Variants in ACSS1 observed in about 807,000 individuals in gnomAD.
The protein encoded by ACSS1 is acetyl-coenzyme A synthetase 2-like, mitochondrial.
ACSS1 carries 42 observed loss-of-function variants against 75.3 expected under a neutral mutation model. The observed-to-expected ratio is 0.56, with a 90% CI of 0.44 to 0.72. The LOEUF (loss-of-function observed/expected upper bound fraction) is 0.72. Ranked by LOEUF, ACSS1 falls within the 30% of genes least tolerant of loss-of-function variation. The pLI, the probability that ACSS1 is intolerant of heterozygous loss-of-function variation, is 0.00. For missense variants in ACSS1, 782 were observed against 935.7 expected, an observed-to-expected ratio of 0.84 and a Z score of 2.14; for synonymous variants, 380 against 376.8, an observed-to-expected ratio of 1.01 and a Z score of -0.10.
chr20:25,019,439 A>G (rs1238824924), intron 7 of ACSS1, among the ~76,000 whole-genome samples: 4 of 152,292 alleles, frequency 2.6e-5, no homozygotes, highest in South Asian at 2.1e-4. Flanking sequence ...GCAAAAGTGC[A>G]GGATGGTATC....
At chr20:25,040,403 G>A (rs926356012) in intron 2 of ACSS1, among the ~76,000 whole-genome samples, 3 of 152,224 alleles carry the variant, frequency 2.0e-5, no homozygotes, top group African/African-American at 7.2e-5. Context: ...AGTAAGCCCT[G>A]GAGGGGAAGT....
intron 1 of ACSS1, among the ~76,000 whole-genome samples, chr20:25,053,060 CTTTTTT>C (rs1171891974): frequency 8.5e-6 from 1 of 118,134 alleles, no homozygotes; most frequent in Non-Finnish European, 1.7e-5. Context: ...TCACAATGAG[CTTTTTT>C]TTTTTTTTTT....
At chr20:25,007,977 G>A (rs2088339252) in intron 13 of ACSS1, 36 bp from the exon 14 acceptor site, 1 of 1,607,264 alleles carries the variant, frequency 6.2e-7, no homozygotes, top group Non-Finnish European at 8.5e-7. Context: ...GAGCGTGGAT[G>A]GTGCCCAGCC....
intron 5 of ACSS1, 144 bp from the exon 6 acceptor site, chr20:25,021,680 A>G: frequency 2.1e-6 from 2 of 974,146 alleles, no homozygotes; most frequent in South Asian, 1.7e-5. Context: ...CAGCAGCAGG[A>G]CAGGTGGGCA....
chr20:25,023,727 T>C (rs1020099837), intron 3 of ACSS1, 86 bp from the exon 4 acceptor site: 20 of 1,321,704 alleles, frequency 1.5e-5, no homozygotes, highest in Non-Finnish European at 1.8e-5. Context: ...CATCCAGGCC[T>C]AGGAGTGTGA....
Position 25,052,952 on chromosome 20 carries a change from C to T in ACSS1, c.335-4771G>A, listed in dbSNP as rs77193041. ...ACACACACGTACGAATTTTCAAGTA[C>T]TCTTGTTGCTTATTTAAATACATCC... On this transcript the variant is annotated intron_variant, in intron 1 of 13. Coordinates refer to ENST00000323482, the MANE Select transcript of ACSS1 (RefSeq NM_032501.4). Among the ~76,000 whole-genome samples the T allele has an allele frequency of 1.2e-4, 18 of 152,130 alleles. No individual in the cohort carries two copies. In the East Asian group the frequency reaches 2.9e-3, roughly 24 times the overall value.
intron 3 of ACSS1, among the ~76,000 whole-genome samples, chr20:25,024,364 G>A (rs958553801): frequency 6.6e-6 from 1 of 152,236 alleles, no homozygotes; most frequent in African/African-American, 2.4e-5. Context: ...GGAAAAGGAG[G>A]TGTCCTCCAC....
intron 2 of ACSS1, chr20:25,032,804 G>T (rs1326962291): frequency 2.1e-5 from 14 of 671,802 alleles, no homozygotes; most frequent in African/African-American, 1.7e-4. Flanking sequence ...GGAGGCCTTT[G>T]TTTCTTCCCA....
intron 9 of ACSS1, 98 bp downstream of exon 9, chr20:25,013,863 A>G: frequency 7.2e-7 from 1 of 1,380,874 alleles, no homozygotes; most frequent in East Asian, 2.4e-5. Context: ...GCCTCCTGCC[A>G]GGTACAGACC....
intron 7 of ACSS1, among the ~76,000 whole-genome samples, chr20:25,017,000 T>C (rs1263108658): frequency 1.3e-5 from 2 of 151,504 alleles, no homozygotes; most frequent in Non-Finnish European, 3.0e-5. Context: ...TTCTTTTTTT[T>C]TGAGAGAGAG....
intron 3 of ACSS1, among the ~76,000 whole-genome samples, chr20:25,030,324 C>T (rs2088799647): frequency 6.6e-6 from 1 of 152,172 alleles, no homozygotes; most frequent in African/African-American, 2.4e-5. Flanking sequence ...ACAGAAAGAC[C>T]CCCTTCACCT....
chr20:25,012,554 G>C (rs544417594), intron 12 of ACSS1, 47 bp downstream of exon 12: 2 of 1,606,114 alleles, frequency 1.2e-6, no homozygotes, highest in Admixed American at 1.7e-5. Flanking sequence ...GCCCATAATG[G>C]GTGTGGGGTC....
chr20:25,030,669 C>T (rs1216031395), intron 3 of ACSS1, 90 bp downstream of exon 3: 1 of 1,426,154 alleles, frequency 7.0e-7, no homozygotes, highest in Non-Finnish European at 9.7e-7. Flanking sequence ...AATGTCTGCA[C>T]TCTGATGGTC....
In ACSS1 at chr20:25,009,717, C is replaced by G. The variant is rs919546154; in HGVS notation, c.1772-329G>C. 3.8e-5 allele frequency: 10 copies of G among 263,024 alleles called. No individual in the cohort carries two copies. In the Middle Eastern group the frequency reaches 4.7e-3, roughly 124 times the overall value. The allele number at this position is 263,024 out of a possible 1,614,324, so 16.3% of individuals were successfully genotyped here. A position where few individuals can be genotyped will look rare whatever the true frequency, so the allele number is the denominator to read the frequency against. On this transcript the variant is annotated intron_variant, in intron 12 of 13. Transcript: ENST00000323482. ...TCTGTGTACACATCTGTGAAATAACCCATAATGTGGTTTGATGGAATGAGA... is the reference window on the plus strand; with the variant it reads ...TCTGTGTACACATCTGTGAAATAACGCATAATGTGGTTTGATGGAATGAGA...
intron 2 of ACSS1, among the ~76,000 whole-genome samples, chr20:25,047,163 C>T (rs548655829): frequency 3.5e-4 from 54 of 152,340 alleles, no homozygotes; most frequent in Non-Finnish European, 5.7e-4. Flanking sequence ...AGTGCCCCTT[C>T]GCCCCCAGGT....
At chr20:25,041,866 C>T (rs372177238) in intron 2 of ACSS1, among the ~76,000 whole-genome samples, 5 of 152,150 alleles carry the variant, frequency 3.3e-5, no homozygotes, top group East Asian at 1.9e-4. Flanking sequence ...TGGCCAAAGG[C>T]CTTTGCACAC....
At chr20:25,032,361 C>T in intron 2 of ACSS1, 2 of 1,350,056 alleles carry the variant, frequency 1.5e-6, no homozygotes, top group Non-Finnish European at 1.9e-6. Flanking sequence ...CGAGAGCCGC[C>T]AACTTGCCGG....
chr20:25,049,322 G>A (rs2089144770), intron 1 of ACSS1, among the ~76,000 whole-genome samples: 1 of 152,148 alleles, frequency 6.6e-6, no homozygotes, highest in Non-Finnish European at 1.5e-5. Flanking sequence ...GTTCACTGTG[G>A]TCATGCCAAG....
rs567588101 is a variant in ACSS1 at position 25,007,630 on chromosome 20, C to T, written c.*132G>A. On this transcript the variant is annotated 3_prime_UTR_variant, in exon 14 of 14. Coordinates refer to ENST00000323482, the MANE Select transcript of ACSS1 (RefSeq NM_032501.4). ...CTCTCAGCCCAGCTTCACGTGAGGG[C>T]GGTGTGGGTCATGTGTGGGGTGGGG... is the stretch of plus-strand genomic sequence containing the variant. 1.2e-4 allele frequency: 178 copies of T among 1,509,630 alleles called. No individual in the cohort carries two copies. Among genetic ancestry groups the T allele is most frequent in the Admixed American group, 2.8e-4 (13 of 46,372 alleles). 93.5% of individuals were successfully genotyped at this position (1,509,630 alleles called of 1,614,324 possible).
Sources: gnomAD v4.1 joint callset for allele counts (sites outside exome capture counted in the v4.1 genomes callset) on GRCh38, gnomAD v4.1.1 for gene constraint, MANE v1.5 for transcripts, NCBI Gene and HGNC (gene_info 2026-07-23, HGNC 2026-07-21) for gene names.